The following GUCY1A2 variants were observed in gnomAD, a reference collection of about 807,000 sequenced individuals.
GUCY1A2 encodes guanylate cyclase soluble subunit alpha-2.
GUCY1A2 carries 27 observed loss-of-function variants against 63.5 expected under a neutral mutation model. The observed-to-expected ratio is 0.43, with a 90% confidence interval of 0.31 to 0.59. GUCY1A2 has a LOEUF of 0.59. GUCY1A2 is among the 20% of genes least tolerant of loss of function. GUCY1A2 has a pLI of 0.11. For missense variants in GUCY1A2, 768 were observed against 913.3 expected, an observed-to-expected ratio of 0.84 and a Z score of 2.05; for synonymous variants, 364 against 343.5, an observed-to-expected ratio of 1.06 and a Z score of -0.66.
intron 6 of GUCY1A2, among the ~76,000 whole-genome samples, chr11:106,717,674 T>C (rs980961124): frequency 1.3e-5 from 2 of 152,356 alleles, no homozygotes; most frequent in Admixed American, 1.3e-4. Flanking sequence ...ATTTTAGACT[T>C]TGGAAAAGTC....
chr11:106,981,554 T>G (rs964961871), intron 2 of GUCY1A2, among the ~76,000 whole-genome samples: 1 of 151,856 alleles, frequency 6.6e-6, no homozygotes. Flanking sequence ...TTAAAATATA[T>G]AGTGAGTGAA....
chr11:106,915,648 C>T, intron 4 of GUCY1A2, among the ~76,000 whole-genome samples: 1 of 145,062 alleles, frequency 6.9e-6, no homozygotes, highest in Admixed American at 6.9e-5. Flanking sequence ...ATTCAGTAGT[C>T]ACTGAAGCAT....
intron 4 of GUCY1A2, among the ~76,000 whole-genome samples, chr11:106,828,321 A>G (rs958625772): frequency 6.6e-6 from 1 of 151,340 alleles, no homozygotes; most frequent in Non-Finnish European, 1.5e-5. Context: ...AAGGATTTTT[A>G]TAGTTGCAAG....
At chr11:106,748,064 A>G (rs1467516295) in intron 6 of GUCY1A2, among the ~76,000 whole-genome samples, 1 of 152,210 alleles carries the variant, frequency 6.6e-6, no homozygotes, top group Non-Finnish European at 1.5e-5. Context: ...ATTTCCTCCA[A>G]AGAAAATGCA....
chr11:106,902,170 G>A (rs975212904), intron 4 of GUCY1A2, among the ~76,000 whole-genome samples: 9 of 152,042 alleles, frequency 5.9e-5, no homozygotes, highest in African/African-American at 1.7e-4. Context: ...CAGAGCTCTC[G>A]GGTGACCATT....
chr11:107,006,088 C>G (rs886808549), intron 1 of GUCY1A2, among the ~76,000 whole-genome samples: 2 of 152,166 alleles, frequency 1.3e-5, no homozygotes, highest in Non-Finnish European at 2.9e-5. Flanking sequence ...TCATTTTATA[C>G]AGAACAAACT....
At chr11:106,774,429 C>T (rs1029759118) in intron 6 of GUCY1A2, among the ~76,000 whole-genome samples, 1 of 152,152 alleles carries the variant, frequency 6.6e-6, no homozygotes, top group African/African-American at 2.4e-5. Flanking sequence ...CGTGCCCAGG[C>T]TGTCACTTTT....
At chr11:106,759,568 T>G (rs1012249883) in intron 6 of GUCY1A2, among the ~76,000 whole-genome samples, 2 of 152,304 alleles carry the variant, frequency 1.3e-5, no homozygotes, top group Middle Eastern at 3.4e-3. Context: ...TTAGTCAAAT[T>G]GAAAATTATT....
At chr11:106,697,053 C>G (rs1862733077) in intron 7 of GUCY1A2, among the ~76,000 whole-genome samples, 1 of 152,120 alleles carries the variant, frequency 6.6e-6, no homozygotes, top group Non-Finnish European at 1.5e-5. Context: ...TTTAGGGAAG[C>G]TTGAGAATTT....
chr11:106,786,475 C>T (rs1864558087), intron 5 of GUCY1A2, among the ~76,000 whole-genome samples: 1 of 152,174 alleles, frequency 6.6e-6, no homozygotes, highest in Admixed American at 6.5e-5. Context: ...TCACAGAAAG[C>T]TCTCCTCCTG....
intron 3 of GUCY1A2, among the ~76,000 whole-genome samples, chr11:106,965,577 A>G (rs1244935199): frequency 6.6e-6 from 1 of 152,206 alleles, no homozygotes; most frequent in Non-Finnish European, 1.5e-5. Context: ...GTCACACTCA[A>G]GCAGCTTTGC....
chr11:106,710,648 G>C (rs1294495222), intron 6 of GUCY1A2, among the ~76,000 whole-genome samples: 1 of 151,684 alleles, frequency 6.6e-6, no homozygotes, highest in Admixed American at 6.6e-5. Context: ...TGATTAGTCT[G>C]TCTGGTCCAT....
At chr11:106,881,083 A>G (rs547740585) in intron 4 of GUCY1A2, among the ~76,000 whole-genome samples, 1 of 152,188 alleles carries the variant, frequency 6.6e-6, no homozygotes, top group African/African-American at 2.4e-5. Flanking sequence ...CTATGATTCT[A>G]TTTTCTCTGA....
intron 4 of GUCY1A2, among the ~76,000 whole-genome samples, chr11:106,929,119 G>A (rs1860567986): frequency 6.6e-6 from 1 of 152,110 alleles, no homozygotes; most frequent in Non-Finnish European, 1.5e-5. Context: ...AATAAAACTT[G>A]TTAATAACTC....
chr11:107,015,944 G>C (rs1861817490), intron 1 of GUCY1A2, among the ~76,000 whole-genome samples: 1 of 152,128 alleles, frequency 6.6e-6, no homozygotes, highest in African/African-American at 2.4e-5. Flanking sequence ...CACAAGAATA[G>C]GAAGATGACT....
intron 4 of GUCY1A2, among the ~76,000 whole-genome samples, chr11:106,839,844 C>A (rs1051349842): frequency 3.1e-5 from 4 of 129,494 alleles, no homozygotes; most frequent in Non-Finnish European, 1.6e-5. Context: ...GAACATCACA[C>A]ACCGGGGCCT....
chr11:106,760,614 A>G (rs1864049602), intron 6 of GUCY1A2, among the ~76,000 whole-genome samples: 1 of 152,204 alleles, frequency 6.6e-6, no homozygotes, highest in Admixed American at 6.5e-5. Context: ...GAAATGATGA[A>G]AAAATAAATA....
rs191919961 is a variant in GUCY1A2, at chr11:106,807,228, C to G, written c.1692+2765G>C. ...AGACTTGTGGTCCTTACAAAAAATT[C>G]TACCACCTCTGGGATTCTTTGTTTC... On this transcript the variant is annotated intron_variant, in intron 5 of 7. Transcript: ENST00000526355. 3.3e-3 allele frequency among the ~76,000 whole-genome samples: 500 copies of G among 152,274 alleles called. 11 individuals are homozygous for G. The highest frequency in any genetic ancestry group is 7.1e-3 in the South Asian group (34 of 4,820).
At chr11:106,772,281 T>C (rs1242130938) in intron 6 of GUCY1A2, among the ~76,000 whole-genome samples, 2 of 152,184 alleles carry the variant, frequency 1.3e-5, no homozygotes, top group African/African-American at 2.4e-5. Context: ...TAGTCAATTA[T>C]TGCTATTATA....
Sources: allele counts gnomAD v4.1 joint callset (sites outside exome capture counted in the v4.1 genomes callset), GRCh38; gene constraint gnomAD v4.1.1; transcripts MANE v1.5; gene names NCBI Gene and HGNC (gene_info 2026-07-23, HGNC 2026-07-21).